Variants in SOX6 observed in about 807,000 individuals in gnomAD.
SOX6 encodes SRY-box transcription factor 6.
SOX6 carries 11 observed loss-of-function variants against 97.8 expected under a neutral mutation model. The observed-to-expected ratio is 0.11, with a 90% confidence interval of 0.07 to 0.19. The LOEUF (loss-of-function observed/expected upper bound fraction) is 0.19. SOX6 is among the 10% of genes least tolerant of loss of function. The pLI, the probability that SOX6 is intolerant of heterozygous loss-of-function variation, is 1.00. For synonymous variants in SOX6, 360 were observed against 371.4 expected, an observed-to-expected ratio of 0.97 and a Z score of 0.35; for missense variants, 810 against 1,039.5, an observed-to-expected ratio of 0.78 and a Z score of 3.04.
At chr11:16,648,367 C>G (rs1292937046) in intron 3 of SOX6, among the ~76,000 whole-genome samples, 1 of 152,064 alleles carries the variant, frequency 6.6e-6, no homozygotes, top group Non-Finnish European at 1.5e-5. Context: ...GAGTCTGAGC[C>G]CAGACCCACC....
intron 3 of SOX6, among the ~76,000 whole-genome samples, chr11:16,282,077 T>C (rs1017736106): frequency 3.3e-5 from 5 of 149,874 alleles, no homozygotes; most frequent in African/African-American, 9.8e-5. Flanking sequence ...GCACACTAGA[T>C]GCAAGAAAAA....
chr11:16,652,785 C>T (rs1417418149), intron 3 of SOX6, among the ~76,000 whole-genome samples: 1 of 152,104 alleles, frequency 6.6e-6, no homozygotes, highest in East Asian at 1.9e-4. Context: ...AACTAAAAAG[C>T]TTCACTGCAG....
chr11:16,578,347 G>T (rs1416476336), intron 4 of SOX6, among the ~76,000 whole-genome samples: 1 of 152,078 alleles, frequency 6.6e-6, no homozygotes, highest in Non-Finnish European at 1.5e-5. Flanking sequence ...TGCATGTAGA[G>T]TTTTTTTAAT....
chr11:16,423,446 T>A (rs984457145), intron 1 of SOX6, among the ~76,000 whole-genome samples: 32 of 152,314 alleles, frequency 2.1e-4, no homozygotes, highest in African/African-American at 7.2e-4. Flanking sequence ...TTTTTGTCTG[T>A]TTTGTTTCAC....
chr11:15,989,254 CA>C (rs1564895746), intron 13 of SOX6, 24 bp from the exon 14 acceptor site: 1 of 1,563,202 alleles, frequency 6.4e-7, no homozygotes, highest in South Asian at 1.2e-5. Context: ...GCAGGAAGAA[CA>C]AGATGAGTGG....
intron 3 of SOX6, among the ~76,000 whole-genome samples, chr11:16,614,054 G>T (rs990629623): frequency 6.6e-6 from 1 of 152,196 alleles, no homozygotes; most frequent in African/African-American, 2.4e-5. Flanking sequence ...GCCGGGAATC[G>T]AGCGAAGGCG....
chr11:16,626,888 T>C (rs896367144), intron 3 of SOX6, among the ~76,000 whole-genome samples: 2 of 152,184 alleles, frequency 1.3e-5, no homozygotes, highest in African/African-American at 4.8e-5. Context: ...GCATACTGCG[T>C]GATGCTGAGG....
At chr11:16,257,764 A>G (rs1346248600) in intron 3 of SOX6, among the ~76,000 whole-genome samples, 3 of 152,072 alleles carry the variant, frequency 2.0e-5, no homozygotes, top group African/African-American at 4.8e-5. Flanking sequence ...AGATAATGAA[A>G]AAACATGCCA....
At position 16,613,066 on chromosome 11, in the gene SOX6, G is replaced by T. The variant is rs1175419069; in HGVS notation, n.430-806C>A. ...AGGGAATGTCTGGAAAGAAAAAAAGGGAGGAAAAAAGGAGGGGGGCAGCTC... is the reference window on the plus strand; with the variant it reads ...AGGGAATGTCTGGAAAGAAAAAAAGTGAGGAAAAAAGGAGGGGGGCAGCTC... On this transcript the variant is annotated intron_variant and non_coding_transcript_variant, in intron 3 of 5. Coordinates refer to the SOX6 transcript ENST00000524520. The surrounding 1 kb of genome is among the most constrained non-coding windows in gnomAD (Gnocchi z 4.6). The T allele has an allele frequency of 3.9e-5, 6 of 152,730 alleles. No homozygotes were observed. Among genetic ancestry groups the T allele is most frequent in the Non-Finnish European group, 8.8e-5 (6 of 68,506 alleles). The allele number at this position is 152,730 out of a possible 1,614,324, so 9.5% of individuals were successfully genotyped here.
intron 6 of SOX6, among the ~76,000 whole-genome samples, chr11:16,137,014 A>C (rs1849983952): frequency 6.6e-6 from 1 of 152,124 alleles, no homozygotes; most frequent in South Asian, 2.1e-4. Context: ...TCTAAGAAAA[A>C]CTCACAAATA....
chr11:16,092,866 C>A (rs975106061), intron 9 of SOX6, among the ~76,000 whole-genome samples: 12 of 151,054 alleles, frequency 7.9e-5, no homozygotes, highest in Non-Finnish European at 1.5e-4. Flanking sequence ...AAAAAAAAGT[C>A]ATCCAGAGCT....
intron 1 of SOX6, among the ~76,000 whole-genome samples, chr11:16,395,454 G>A (rs1252010432): frequency 1.3e-5 from 2 of 151,696 alleles, no homozygotes; most frequent in Non-Finnish European, 3.0e-5. Flanking sequence ...CATTCCAGGT[G>A]AGAACACAGC....
chr11:15,985,884 T>A (rs1323945413), intron 15 of SOX6, among the ~76,000 whole-genome samples: 1 of 152,164 alleles, frequency 6.6e-6, no homozygotes, highest in Non-Finnish European at 1.5e-5. Flanking sequence ...TTAGTTTTTA[T>A]TTTTCCTCCC....
At chr11:16,106,509 T>C (rs1352073120) in intron 7 of SOX6, among the ~76,000 whole-genome samples, 1 of 151,970 alleles carries the variant, frequency 6.6e-6, no homozygotes, top group Non-Finnish European at 1.5e-5. Context: ...TCAACAAATG[T>C]TGTGGGGAAA....
intron 6 of SOX6, among the ~76,000 whole-genome samples, chr11:16,121,873 A>T (rs1241021565): frequency 1.3e-5 from 2 of 152,070 alleles, no homozygotes; most frequent in East Asian, 3.8e-4. Flanking sequence ...TTCATTTGGA[A>T]TTAGATATCT....
At chr11:16,480,646 C>A (rs533423334), upstream of SOX6, among the ~76,000 whole-genome samples, 15 of 8,198 alleles carry the variant, frequency 1.8e-3, no homozygotes, top group South Asian at 0.11. Context: ...TTTTTAGTAA[C>A]CCCCCCCCCA....
chr11:16,365,179 G>C (rs915819183), intron 1 of SOX6, among the ~76,000 whole-genome samples: 3 of 152,008 alleles, frequency 2.0e-5, no homozygotes, highest in African/African-American at 7.2e-5. Context: ...ACAGGTTTGT[G>C]TGTATAGGAG....
At chr11:16,077,670 G>A (rs1414929041) in intron 9 of SOX6, among the ~76,000 whole-genome samples, 4 of 152,166 alleles carry the variant, frequency 2.6e-5, no homozygotes, top group Non-Finnish European at 5.9e-5. Context: ...CATGGATGGA[G>A]CTGGCAGTCA....
rs890981931 is a variant in SOX6, at chr11:16,249,051, A to C, written c.446-14380T>G. Reference sequence around the variant, plus strand: ...ACTAGGCAGAGGTTGCAGTGAGCCAAGATCGCACCACTGCACTCCAGCTTC... The same window carrying C: ...ACTAGGCAGAGGTTGCAGTGAGCCACGATCGCACCACTGCACTCCAGCTTC... On this transcript the variant is annotated intron_variant, in intron 3 of 15. Coordinates refer to ENST00000683767, the MANE Select transcript of SOX6 (RefSeq NM_001367873.1). Among the ~76,000 whole-genome samples the C allele has an allele frequency of 4.6e-5, 7 of 151,778 alleles. No homozygotes were observed. In the East Asian group the frequency reaches 1.4e-3, roughly 30 times the overall value.
Sources: allele counts gnomAD v4.1 joint callset (sites outside exome capture counted in the v4.1 genomes callset), GRCh38; gene constraint gnomAD v4.1.1; non-coding constraint Gnocchi (gnomAD v3.1); transcripts MANE v1.5; gene names NCBI Gene and HGNC (gene_info 2026-07-23, HGNC 2026-07-21).